The following MEGF6 variants were observed in gnomAD, a reference collection of about 807,000 sequenced individuals.
The protein encoded by MEGF6 is multiple EGF like domains 6.
MEGF6 carries 184 observed loss-of-function variants against 207.1 expected under a neutral mutation model. The ratio of observed to expected loss-of-function variants is 0.89; its 90% CI spans 0.79 to 1.00. MEGF6 has a LOEUF of 1.00. Among genes scored for constraint, MEGF6 ranks in the 50% least tolerant of loss-of-function variants. The pLI is 0.00. For missense variants in MEGF6, 2,282 were observed against 2,202.9 expected (o/e 1.04, Z -0.72); for synonymous variants, 1,038 against 910.0 (o/e 1.14, Z -2.53).
intron 4 of MEGF6, among the ~76,000 whole-genome samples, chr1:3,575,036 C>T (rs1643603063): frequency 6.6e-6 from 1 of 152,246 alleles, no homozygotes; most frequent in Non-Finnish European, 1.5e-5. Context: ...CAGCTGAGAC[C>T]AGATCAAGAG....
At position 3,611,357 on chromosome 1, in the gene MEGF6, G is replaced by T. The variant is rs1419514461; in HGVS notation, c.-89C>A. On this transcript the variant is annotated 5_prime_UTR_variant, in exon 1 of 37. Transcript: ENST00000356575. The stretch of plus-strand genomic sequence containing the variant: ...TCCGCCTCCACGTGCGCCATAGGAC[G>T]CAGCCACAGGTGCCCGCGCCCGCTC... 7 of 1,342,856 alleles carry T rather than the reference G, an allele frequency of 5.2e-6. No homozygotes were observed. Among genetic ancestry groups the T allele is most frequent in the African/African-American group, 3.1e-5 (2 of 65,096 alleles). 83.2% of individuals were successfully genotyped at this position (1,342,856 alleles called of 1,614,324 possible).
At chr1:3,500,089 C>A (rs957903675) in intron 21 of MEGF6, among the ~76,000 whole-genome samples, 165 bp from the exon 22 acceptor site, 2 of 152,244 alleles carry the variant, frequency 1.3e-5, no homozygotes, top group Non-Finnish European at 2.9e-5. Context: ...TCATCCCCCA[C>A]CCAGGTGGGG....
At position 3,523,080 on chromosome 1, in the gene MEGF6, G is replaced by C. The variant is rs528067692; in HGVS notation, c.604+1044C>G. On this transcript the variant is annotated intron_variant, in intron 5 of 36. Transcript: ENST00000356575. The stretch of plus-strand genomic sequence containing the variant: ...GGGACATGTGAGTGTGTGCCGGGGG[G>C]GGGGCCCCAGGGCTGGCGAGCTGCT... Among the ~76,000 whole-genome samples the C allele has an allele frequency of 4.3e-3, 659 of 152,172 alleles. 5 individuals are homozygous for C. Among genetic ancestry groups the C allele is most frequent in the South Asian group, 0.011 (52 of 4,822 alleles).
intron 3 of MEGF6, among the ~76,000 whole-genome samples, chr1:3,586,012 T>C (rs1428557222): frequency 1.4e-5 from 2 of 146,934 alleles, no homozygotes; most frequent in Admixed American, 6.7e-5. Context: ...TGGACACATG[T>C]CCTGTGTGTG....
intron 4 of MEGF6, among the ~76,000 whole-genome samples, chr1:3,534,051 G>A (rs2101429128): frequency 6.6e-6 from 1 of 152,244 alleles, no homozygotes; most frequent in Admixed American, 6.5e-5. Context: ...GAGGAGGAGG[G>A]AGGAGCCCAG....
rs1643319513 is a variant in MEGF6, at chr1:3,565,540, G to A, written c.481+14285C>T. 6.6e-6 allele frequency among the ~76,000 whole-genome samples: 1 copy of A among 152,184 alleles called. No individual in the cohort carries two copies. The highest frequency in any genetic ancestry group is 1.5e-5 in the Non-Finnish European group (1 of 68,026). ...AGCCTATCGGTGCCTGGCTTGAGAG[G>A]AGGACGCTTCGTGCGGGGCTGCCTG... On this transcript the variant is annotated intron_variant, in intron 4 of 36. Transcript: ENST00000356575. The surrounding 1 kb of genome is among the most constrained non-coding windows in gnomAD (Gnocchi z 4.8).
At chr1:3,568,391 G>A (rs1643408960) in intron 4 of MEGF6, among the ~76,000 whole-genome samples, 2 of 151,884 alleles carry the variant, frequency 1.3e-5, no homozygotes, top group South Asian at 2.1e-4. Context: ...GGGGGCTTCA[G>A]TAGTGGTCCT....
At chr1:3,616,219 GAGAGA>G (rs1293564695), upstream of MEGF6, among the ~76,000 whole-genome samples, 12 of 152,168 alleles carry the variant, frequency 7.9e-5, no homozygotes, top group Non-Finnish European at 1.5e-4. Flanking sequence ...GAGTCCCACA[GAGAGA>G]TGCAAAACAT....
At chr1:3,559,758 T>C (rs1188166146) in intron 4 of MEGF6, among the ~76,000 whole-genome samples, 1 of 152,030 alleles carries the variant, frequency 6.6e-6, no homozygotes, top group Non-Finnish European at 1.5e-5. Flanking sequence ...AAGCCTGTAA[T>C]CCCAACACTT....
In MEGF6 at chr1:3,488,806, T is replaced by C. The variant is rs2100785170; in HGVS notation, c.*1722A>G. Among the ~76,000 whole-genome samples, 1 of 152,352 alleles carries C rather than the reference T, an allele frequency of 6.6e-6. No individual in the cohort carries two copies. The highest frequency in any genetic ancestry group is 1.5e-5 in the Non-Finnish European group (1 of 68,032). ...GATGTTCTTCAAGGTCTTATGGCTT[T>C]TTTATGTTATTTTTCCACCTTGTGC... On this transcript the variant is annotated 3_prime_UTR_variant, in exon 37 of 37. Transcript: ENST00000356575.
At chr1:3,524,039 C>T in intron 5 of MEGF6, 85 bp downstream of exon 5, 5 of 1,469,358 alleles carry the variant, frequency 3.4e-6, no homozygotes, top group Non-Finnish European at 1.8e-6. Flanking sequence ...CCACAGCCAC[C>T]CTCTCAGGCC....
intron 5 of MEGF6, among the ~76,000 whole-genome samples, chr1:3,518,710 G>A (rs1641633248): frequency 6.6e-6 from 1 of 152,254 alleles, no homozygotes; most frequent in Non-Finnish European, 1.5e-5. Flanking sequence ...GGTTTCACGA[G>A]GCTTGTAATT....
At chr1:3,521,356 C>T (rs1343660045) in intron 5 of MEGF6, among the ~76,000 whole-genome samples, 3 of 152,170 alleles carry the variant, frequency 2.0e-5, no homozygotes, top group Non-Finnish European at 2.9e-5. Context: ...CAGCCCTATC[C>T]CCATCAAGCC....
chr1:3,530,154 C>T (rs969927207), intron 4 of MEGF6, among the ~76,000 whole-genome samples: 5 of 152,244 alleles, frequency 3.3e-5, no homozygotes, highest in African/African-American at 7.2e-5. Flanking sequence ...GCCGCCCAGC[C>T]GGAAGGCTGC....
intron 25 of MEGF6, 27 bp downstream of exon 25, chr1:3,498,671 G>C (rs1489653211): frequency 1.3e-6 from 2 of 1,538,790 alleles, no homozygotes; most frequent in African/African-American, 1.4e-5. Flanking sequence ...GCTGGGGTAT[G>C]TCCCTCCTCT....
At chr1:3,613,720 C>A (rs187922110), upstream of MEGF6, among the ~76,000 whole-genome samples, 30 of 152,292 alleles carry the variant, frequency 2.0e-4, no homozygotes, top group African/African-American at 6.5e-4. Flanking sequence ...GAAGAAAAAT[C>A]ATATAAAAGT....
At chr1:3,557,676 AG>A (rs1643075916) in intron 4 of MEGF6, among the ~76,000 whole-genome samples, 2 of 152,192 alleles carry the variant, frequency 1.3e-5, no homozygotes, top group African/African-American at 4.8e-5. Flanking sequence ...AGCGCTGCGG[AG>A]CACCGAGGGA....
At chr1:3,563,568 C>T (rs1431740733) in intron 4 of MEGF6, among the ~76,000 whole-genome samples, 3 of 152,250 alleles carry the variant, frequency 2.0e-5, no homozygotes, top group Non-Finnish European at 4.4e-5. Flanking sequence ...GAAAGGCCAG[C>T]AGACATTTTA....
At chr1:3,545,069 C>A (rs1642658266) in intron 4 of MEGF6, among the ~76,000 whole-genome samples, 3 of 152,264 alleles carry the variant, frequency 2.0e-5, no homozygotes, top group Admixed American at 1.3e-4. Context: ...GCGGGGCCAG[C>A]CCTCTCCCTA....
Sources: allele counts gnomAD v4.1 joint callset (sites outside exome capture counted in the v4.1 genomes callset), GRCh38; gene constraint gnomAD v4.1.1; non-coding constraint Gnocchi (gnomAD v3.1); transcripts MANE v1.5; gene names NCBI Gene and HGNC (gene_info 2026-07-23, HGNC 2026-07-21).